LRBA: variants seen among roughly 807,000 people sequenced by gnomAD.
LRBA encodes the protein lipopolysaccharide-responsive and beige-like anchor protein.
A neutral mutation model predicts 330.0 loss-of-function variants in LRBA; 176 were observed. That is an observed-to-expected ratio of 0.53 (90% CI 0.47 to 0.60). The LOEUF is 0.60. Ranked by LOEUF, LRBA falls within the 20% of genes least tolerant of loss-of-function variation. The probability of loss-of-function intolerance (pLI) is 0.00; values close to 1 mark genes in which losing one functional copy is unlikely to be tolerated. For synonymous variants in LRBA, 1,230 were observed against 1,193.0 expected (o/e 1.03, Z -0.64); for missense variants, 3,259 against 3,444.8 (o/e 0.95, Z 1.35).
intron 44 of LRBA, among the ~76,000 whole-genome samples, chr4:150,454,877 T>C (rs1753843897): frequency 1.3e-5 from 2 of 152,140 alleles, no homozygotes; most frequent in African/African-American, 4.8e-5. Context: ...GATAATGACC[T>C]CCAGTTCCAT....
intron 47 of LRBA, among the ~76,000 whole-genome samples, chr4:150,395,547 ACACTGC>A (rs1433477864): frequency 6.6e-6 from 1 of 152,098 alleles, no homozygotes; most frequent in Non-Finnish European, 1.5e-5. Flanking sequence ...TCCGATACTC[ACACTGC>A]CATCTTCCTA....
chr4:150,471,693 T>C lies in LRBA; in HGVS notation c.6598A>G (p.Met2200Val). The C allele has an allele frequency of 6.2e-7, 1 of 1,609,248 alleles. No individual in the cohort carries two copies. Among genetic ancestry groups the C allele is most frequent in the African/African-American group, 1.3e-5 (1 of 74,798 alleles). The change falls in exon 43 of 57, where the codon ATG (methionine) becomes GTG (valine). Residue 2200 changes from methionine (M) to valine (V), a missense_variant. Physicochemically the swap from Met to Val is conservative, Grantham distance 21 (BLOSUM62 1). Transcript: ENST00000651943. ...SPRQLFKASNMTQRWQHREIS... is the reference protein window; with the variant it reads ...SPRQLFKASNVTQRWQHREIS... The stretch of plus-strand genomic sequence containing the variant: ...TCTCTGTGTTGCCATCGCTGGGTCA[T>C]ATTAGAAGCCTTAAAAAGCTGACGT...
chr4:150,885,089 A>C (rs1728800963), intron 17 of LRBA, among the ~76,000 whole-genome samples: 1 of 152,012 alleles, frequency 6.6e-6, no homozygotes, highest in African/African-American at 2.4e-5. Context: ...AAGATAAATC[A>C]ATATAAATTA....
intron 36 of LRBA, among the ~76,000 whole-genome samples, chr4:150,699,212 GC>G (rs61235753): frequency 0.026 from 3,979 of 152,214 alleles, 143 homozygotes; most frequent in African/African-American, 0.086. Flanking sequence ...GGCTTCTGCA[GC>G]ATGGCAAAGG....
intron 36 of LRBA, among the ~76,000 whole-genome samples, chr4:150,722,861 G>C (rs1729115288): frequency 6.6e-6 from 1 of 152,068 alleles, no homozygotes; most frequent in Non-Finnish European, 1.5e-5. Context: ...CCATCGCCCA[G>C]CAGTGGCCAT....
chr4:150,409,780 C>T (rs2151943238), intron 47 of LRBA, among the ~76,000 whole-genome samples: 1 of 152,026 alleles, frequency 6.6e-6, no homozygotes, highest in East Asian at 1.9e-4. Flanking sequence ...TTTAGGTGTC[C>T]TCGTTTTTTA....
chr4:150,282,589 G>C lies in LRBA; in HGVS notation c.8177C>G (p.Pro2726Arg). ...GAGTTTTGGTTTCAGGCAGTTTTCAGGACCCTCCAAGGTCCTCAACAAGTC... is the reference window on the plus strand; with the variant it reads ...GAGTTTTGGTTTCAGGCAGTTTTCACGACCCTCCAAGGTCCTCAACAAGTC... ...NGDLLRTLEG[P>R]ENCLKPKLIQ... The change falls in exon 55 of 57, where the codon CCT (proline) becomes CGT (arginine). Residue 2726 changes from proline (P) to arginine (R), a missense_variant. Coordinates refer to ENST00000651943, the MANE Select transcript of LRBA (RefSeq NM_001364905.1). The C allele has an allele frequency of 1.2e-6, 2 of 1,614,138 alleles. No individual in the cohort carries two copies. The highest frequency in any genetic ancestry group is 1.7e-6 in the Non-Finnish European group (2 of 1,179,992).
intron 47 of LRBA, among the ~76,000 whole-genome samples, chr4:150,401,236 TCAGACTTAAAGCCTC>T (rs1160511879): frequency 6.6e-6 from 1 of 152,232 alleles, no homozygotes. Flanking sequence ...CTCCATGATC[TCAGACTTAAAGCCTC>T]CAGTACTGTC....
chr4:150,736,007 A>G (rs1255015924), intron 35 of LRBA, among the ~76,000 whole-genome samples: 1 of 152,186 alleles, frequency 6.6e-6, no homozygotes, highest in Admixed American at 6.6e-5. Context: ...GGTGGGGAGA[A>G]AAAAATCAGA....
At chr4:150,560,271 A>G (rs1768145270) in intron 40 of LRBA, among the ~76,000 whole-genome samples, 1 of 151,982 alleles carries the variant, frequency 6.6e-6, no homozygotes, top group South Asian at 2.1e-4. Context: ...CAGAGAGAGC[A>G]CGAATGATAA....
chr4:150,905,253 A>C (rs1386557555), intron 13 of LRBA, among the ~76,000 whole-genome samples: 5 of 152,280 alleles, frequency 3.3e-5, no homozygotes, highest in African/African-American at 1.2e-4. Context: ...AATTAAAATG[A>C]TTACGAGACT....
chr4:150,317,125 T>C (rs1339331434), intron 50 of LRBA, among the ~76,000 whole-genome samples: 1 of 152,132 alleles, frequency 6.6e-6, no homozygotes, highest in Non-Finnish European at 1.5e-5. Flanking sequence ...CCCTGGTTTT[T>C]TCAGGGTCTT....
intron 40 of LRBA, among the ~76,000 whole-genome samples, chr4:150,540,841 T>C (rs556528528): frequency 6.8e-4 from 103 of 152,152 alleles, no homozygotes; most frequent in Non-Finnish European, 1.0e-3. Context: ...AAACTCAAAA[T>C]TTAAAGCTAT....
chr4:150,905,821 A>G lies in LRBA; in HGVS notation c.1755+17T>C. 6.3e-7 allele frequency: 1 copy of G among 1,594,914 alleles called. No homozygotes were observed. The highest frequency in any genetic ancestry group is 1.3e-5 in the African/African-American group (1 of 74,384). On this transcript the variant is annotated intron_variant, in intron 13 of 56. Coordinates refer to ENST00000651943, the MANE Select transcript of LRBA (RefSeq NM_001364905.1). Reference sequence around the variant, plus strand: ...GCAAAGATAGTAAAACAATATCAATATATAGATATATATTACCTTGGCTGG... The same window carrying G: ...GCAAAGATAGTAAAACAATATCAATGTATAGATATATATTACCTTGGCTGG...
chr4:150,638,463 A>G (rs1265529021), intron 37 of LRBA, among the ~76,000 whole-genome samples: 2 of 152,144 alleles, frequency 1.3e-5, no homozygotes, highest in Non-Finnish European at 2.9e-5. Flanking sequence ...TTTATGAGGG[A>G]CCTCATTTAC....
Position 150,928,691 on chromosome 4 carries a change from T to C in LRBA, c.449-75A>G, listed in dbSNP as rs537460473. The C allele has an allele frequency of 1.4e-4, 193 of 1,357,682 alleles. No individual in the cohort carries two copies. In the Middle Eastern group the frequency reaches 1.5e-3, roughly 10 times the overall value. 84.1% of individuals were successfully genotyped at this position (1,357,682 alleles called of 1,614,324 possible). A position where few individuals can be genotyped will look rare whatever the true frequency, so the allele number is the denominator to read the frequency against. On this transcript the variant is annotated intron_variant, in intron 3 of 56. Coordinates refer to ENST00000651943, the MANE Select transcript of LRBA (RefSeq NM_001364905.1). ...AATATTTAAAATAAACTGTGCTTAT[T>C]TAAGGGCTTGGACACTAAAGTTCTA...
At chr4:150,642,882 G>A (rs756037448) in intron 37 of LRBA, among the ~76,000 whole-genome samples, 6 of 151,744 alleles carry the variant, frequency 4.0e-5, no homozygotes, top group Non-Finnish European at 7.4e-5. Flanking sequence ...AAGAAAAAAT[G>A]TTCAAATTCT....
At chr4:150,666,548 A>G (rs1781575589) in intron 37 of LRBA, among the ~76,000 whole-genome samples, 1 of 152,146 alleles carries the variant, frequency 6.6e-6, no homozygotes, top group South Asian at 2.1e-4. Flanking sequence ...TTTAAAATAT[A>G]GTAAAACAAC....
intron 40 of LRBA, among the ~76,000 whole-genome samples, chr4:150,533,877 T>C (rs1764324981): frequency 6.6e-6 from 1 of 152,142 alleles, no homozygotes; most frequent in African/African-American, 2.4e-5. Flanking sequence ...TAAGTCAATC[T>C]CCATTCCACC....
Sources: gnomAD v4.1 joint callset for allele counts (sites outside exome capture counted in the v4.1 genomes callset) on GRCh38, gnomAD v4.1.1 for gene constraint, MANE v1.5 for transcripts, NCBI Gene and HGNC (gene_info 2026-07-23, HGNC 2026-07-21) for gene names.